Variants in TMEM168 observed in about 807,000 individuals in gnomAD.
TMEM168 encodes the protein transmembrane protein 168.
Under a neutral mutation model 53.2 loss-of-function variants are expected in TMEM168, and 40 were observed. The observed-to-expected ratio is 0.75, with a 90% CI of 0.58 to 0.98. TMEM168 has a LOEUF of 0.98. TMEM168 is among the 50% of genes least tolerant of loss of function. The pLI, the probability that TMEM168 is intolerant of heterozygous loss-of-function variation, is 0.00. For synonymous variants in TMEM168, 282 were observed against 293.0 expected (o/e 0.96, Z 0.38); for missense variants, 771 against 828.8 (o/e 0.93, Z 0.86).
In TMEM168 at chr7:112,767,552, G is replaced by T; in HGVS notation, c.1739C>A (p.Ala580Asp). The T allele has an allele frequency of 6.2e-7, 1 of 1,614,112 alleles. No homozygotes were observed. Residue 580 changes from alanine to aspartate, a missense_variant, in exon 5 of 5, where the codon GCT (alanine) becomes GAT (aspartate). Coordinates refer to ENST00000312814, the MANE Select transcript of TMEM168 (RefSeq NM_022484.6). ...ELIKTVDIEE[A>D]DPPQLGDFTK... ...AAAGTCACCTAGCTGTGGCGGGTCAGCTTCTTCAATATCTACTGTTTTTAT... is the reference window on the plus strand; with the variant it reads ...AAAGTCACCTAGCTGTGGCGGGTCATCTTCTTCAATATCTACTGTTTTTAT...
At chr7:112,770,534 T>C (rs1792902911) in intron 4 of TMEM168, among the ~76,000 whole-genome samples, 1 of 152,148 alleles carries the variant, frequency 6.6e-6, no homozygotes, top group South Asian at 2.1e-4. Flanking sequence ...AACTCTATTT[T>C]AGTGTTCTTA....
rs772160841 is a variant in TMEM168 at position 112,784,871 on chromosome 7, G to T, written c.-46C>A. The T allele has an allele frequency of 3.4e-6, 5 of 1,488,452 alleles. No homozygotes were observed. The highest frequency in any genetic ancestry group is 1.4e-5 in the African/African-American group (1 of 71,416). 92.2% of individuals were successfully genotyped at this position (1,488,452 alleles called of 1,614,324 possible). The stretch of plus-strand genomic sequence containing the variant: ...TTCCCTCACGTTACAAAAATTAACC[G>T]CTTGTATTTCATCCAGTATATCCAA... On this transcript the variant is annotated 5_prime_UTR_variant, in exon 2 of 5. Coordinates refer to ENST00000312814, the MANE Select transcript of TMEM168 (RefSeq NM_022484.6).
At chr7:112,774,872 C>T (rs576376927) in intron 3 of TMEM168, among the ~76,000 whole-genome samples, 3 of 152,064 alleles carry the variant, frequency 2.0e-5, no homozygotes, top group East Asian at 1.9e-4. Flanking sequence ...TGAGCCACCA[C>T]GACCAGCCAG....
chr7:112,789,933 C>G (rs565819129), intron 1 of TMEM168, among the ~76,000 whole-genome samples: 21 of 152,222 alleles, frequency 1.4e-4, no homozygotes, highest in Non-Finnish European at 2.5e-4. Context: ...CCTCGGAGAA[C>G]GCGACCACAA....
chr7:112,777,998 C>A (rs148769038), intron 2 of TMEM168, among the ~76,000 whole-genome samples: 20 of 150,304 alleles, frequency 1.3e-4, no homozygotes, highest in African/African-American at 4.6e-4. Flanking sequence ...TTATTATTAA[C>A]TTTAGGCCTA....
chr7:112,789,443 C>A (rs1793481988), intron 1 of TMEM168, among the ~76,000 whole-genome samples: 2 of 152,180 alleles, frequency 1.3e-5, no homozygotes, highest in South Asian at 4.1e-4. Flanking sequence ...CATTTAACAA[C>A]AATAGTCACC....
In TMEM168 at chr7:112,784,340, A is replaced by G. The variant is rs546947271; in HGVS notation, c.486T>C (p.Leu162=). 3.1e-6 allele frequency: 5 copies of G among 1,614,192 alleles called. No homozygotes were observed. The South Asian group carries it at 5.5e-5, about 18-fold the overall frequency. ...TLLTTVEFLE[L]VGFAIASTTM... The stretch of plus-strand genomic sequence containing the variant: ...TTGTGCTGGCAATGGCAAATCCAAC[A>G]AGCTCCAGAAATTCAACTGTGGTTA... The change falls in exon 2 of 5, where the codon CTT becomes CTC. Residue 162 remains leucine, a synonymous_variant. Coordinates refer to ENST00000312814, the MANE Select transcript of TMEM168 (RefSeq NM_022484.6).
Position 112,764,200 on chromosome 7 carries a change from T to C in TMEM168, c.*2997A>G, listed in dbSNP as rs1792718179. On this transcript the variant is annotated 3_prime_UTR_variant, in exon 5 of 5. Transcript: ENST00000312814. ...ATTCATACTGTTTTTTTTATTCTAT[T>C]GAAAAAAAAGATGATGTTTTTAGAG... 6.6e-6 allele frequency: 1 copy of C among 151,830 alleles called. No individual in the cohort carries two copies. Among genetic ancestry groups the C allele is most frequent in the African/African-American group, 2.4e-5 (1 of 41,392 alleles). The allele number at this position is 151,830 out of a possible 1,614,324, so 9.4% of individuals were successfully genotyped here. A position where few individuals can be genotyped will look rare whatever the true frequency, so the allele number is the denominator to read the frequency against.
chr7:112,777,676 C>T (rs1027169337), intron 2 of TMEM168, among the ~76,000 whole-genome samples: 7 of 152,170 alleles, frequency 4.6e-5, no homozygotes, highest in Non-Finnish European at 1.0e-4. Context: ...GTTTGCAACA[C>T]TGAAATAATT....
chr7:112,776,485 T>G (rs1793087739), intron 2 of TMEM168, among the ~76,000 whole-genome samples: 1 of 152,064 alleles, frequency 6.6e-6, no homozygotes, highest in South Asian at 2.1e-4. Context: ...CTTTTAACAC[T>G]AAGGGGTGGT....
At position 112,765,870 on chromosome 7, in the gene TMEM168, A is replaced by G. The variant is rs1043761812; in HGVS notation, c.*1327T>C. 1 of 152,546 alleles carries G rather than the reference A, an allele frequency of 6.6e-6. No homozygotes were observed. The highest frequency in any genetic ancestry group is 1.5e-5 in the Non-Finnish European group (1 of 67,994). The allele number at this position is 152,546 out of a possible 1,614,324, so 9.4% of individuals were successfully genotyped here. A position where few individuals can be genotyped will look rare whatever the true frequency, so the allele number is the denominator to read the frequency against. ...AACTTCTTCCTAACTTAAAAGTTCA[A>G]TTTTCAAGTCACCAGGTAGAAAATG... On this transcript the variant is annotated 3_prime_UTR_variant, in exon 5 of 5. Coordinates refer to ENST00000312814, the MANE Select transcript of TMEM168 (RefSeq NM_022484.6).
Position 112,784,327 on chromosome 7 carries a change from T to C in TMEM168, c.499A>G (p.Ile167Val). The C allele has an allele frequency of 6.2e-7, 1 of 1,614,204 alleles. No homozygotes were observed. Among genetic ancestry groups the C allele is most frequent in the East Asian group, 2.2e-5 (1 of 44,870 alleles). The change falls in exon 2 of 5, where the codon ATT (isoleucine) becomes GTT (valine). Residue 167 changes from isoleucine to valine, a missense_variant. Transcript: ENST00000312814. ...TCCACCAACATAGTTGTGCTGGCAA[T>C]GGCAAATCCAACAAGCTCCAGAAAT... ...VEFLELVGFA[I>V]ASTTMLVEKS...
chr7:112,784,246 G>A lies in TMEM168; in HGVS notation c.580C>T (p.Leu194=). 2 of 1,613,918 alleles carry A rather than the reference G, an allele frequency of 1.2e-6. No homozygotes were observed. The highest frequency in any genetic ancestry group is 1.7e-6 in the Non-Finnish European group (2 of 1,179,952). ...VVALAMLIID[L]RMKSFLAIPN... ...ATAGCTAAGAAAGATTTCATTCTCA[G>A]ATCAATAATCAGCATAGCCAGAGCT... Residue 194 remains leucine, a synonymous_variant, in exon 2 of 5, where the codon CTG becomes TTG. Coordinates refer to ENST00000312814, the MANE Select transcript of TMEM168 (RefSeq NM_022484.6).
chr7:112,786,844 C>T (rs1330117810), intron 1 of TMEM168, among the ~76,000 whole-genome samples: 1 of 152,140 alleles, frequency 6.6e-6, no homozygotes, highest in Non-Finnish European at 1.5e-5. Flanking sequence ...CTTCAAATCT[C>T]TGATACCCTA....
chr7:112,785,702 T>G (rs561183875), intron 1 of TMEM168, among the ~76,000 whole-genome samples: 2 of 152,314 alleles, frequency 1.3e-5, no homozygotes, highest in East Asian at 3.9e-4. Context: ...TGAAGAACTT[T>G]TCAATTCTAC....
Sources: gnomAD v4.1 joint callset for allele counts (sites outside exome capture counted in the v4.1 genomes callset) on GRCh38, gnomAD v4.1.1 for gene constraint, MANE v1.5 for transcripts, NCBI Gene and HGNC (gene_info 2026-07-23, HGNC 2026-07-21) for gene names.